The following OR4E2 variants were observed in gnomAD, a reference collection of about 807,000 sequenced individuals.
OR4E2 encodes the protein olfactory receptor 4E2.
A neutral mutation model predicts 11.0 loss-of-function variants in OR4E2; 9 were observed. The observed-to-expected ratio is 0.82, with a 90% CI of 0.49 to 1.43. The LOEUF is 1.43. Ranked by LOEUF, OR4E2 falls within the 40% of genes most tolerant of loss-of-function variation. The pLI is 0.00. For synonymous variants in OR4E2, 159 were observed against 147.3 expected (o/e 1.08, Z -0.57); for missense variants, 441 against 382.0 (o/e 1.15, Z -1.29).
At chr14:21,657,017 C>T (rs1351565166) in intron 2 of OR4E2, among the ~76,000 whole-genome samples, 1 of 152,114 alleles carries the variant, frequency 6.6e-6, no homozygotes, top group Non-Finnish European at 1.5e-5. Flanking sequence ...GATTTGAATA[C>T]CTAGAACAGT....
chr14:21,665,835 T>C lies in OR4E2; in HGVS notation c.753T>C (p.Phe251=), dbSNP rs1376849357. ...ACTTCATGGTGGTTGCCCTCTTCTTTGGGCCATGTATCTTCATCTATACTC... is the reference window on the plus strand; with the variant it reads ...ACTTCATGGTGGTTGCCCTCTTCTTCGGGCCATGTATCTTCATCTATACTC... ...SAHFMVVALF[F]GPCIFIYTRP... Residue 251 remains phenylalanine (F), a synonymous_variant, in exon 4 of 4, where the codon TTT becomes TTC. Coordinates refer to ENST00000641524, the MANE Select transcript of OR4E2 (RefSeq NM_001001912.3). 5 of 1,612,224 alleles carry C rather than the reference T, an allele frequency of 3.1e-6. No homozygotes were observed. The highest frequency in any genetic ancestry group is 3.4e-6 in the Non-Finnish European group (4 of 1,179,000).
At chr14:21,658,820 A>T (rs556843820) in intron 2 of OR4E2, among the ~76,000 whole-genome samples, 2 of 151,708 alleles carry the variant, frequency 1.3e-5, no homozygotes, top group Admixed American at 1.3e-4. Flanking sequence ...TTTTTTTTTT[A>T]AATGAAGAAT....
intron 3 of OR4E2, among the ~76,000 whole-genome samples, chr14:21,661,448 C>T (rs1389571102): frequency 2.0e-5 from 3 of 152,068 alleles, no homozygotes; most frequent in Admixed American, 6.5e-5. Flanking sequence ...CTTCAAGGTT[C>T]GTAATATACT....
chr14:21,656,069 G>A (rs1879926487), intron 1 of OR4E2, among the ~76,000 whole-genome samples: 1 of 151,732 alleles, frequency 6.6e-6, no homozygotes, highest in Non-Finnish European at 1.5e-5. Flanking sequence ...CTTGAGCCCA[G>A]GAATTTGAGA....
chr14:21,664,476 T>A (rs1215821783), intron 3 of OR4E2, among the ~76,000 whole-genome samples: 4 of 152,108 alleles, frequency 2.6e-5, no homozygotes, highest in African/African-American at 9.7e-5. Flanking sequence ...GTGAGGAGAG[T>A]ACACTTGAAT....
chr14:21,657,442 TCC>T (rs1880046567), intron 2 of OR4E2, among the ~76,000 whole-genome samples: 1 of 3,974 alleles, frequency 2.5e-4, no homozygotes, highest in African/African-American at 7.2e-4. Flanking sequence ...CTTCTTTCTT[TCC>T]TTCCTTCCTT....
chr14:21,667,440 G>A lies in OR4E2; in HGVS notation c.*1416G>A, dbSNP rs1203337715. On this transcript the variant is annotated 3_prime_UTR_variant, in exon 4 of 4. Transcript: ENST00000641524. ...TCAAAAGGACAAAGAATCAGAAGCA[G>A]TCTATTCATTAAACTGAGAGATGCT... The A allele has an allele frequency of 1.3e-5, 2 of 152,108 alleles. No individual in the cohort carries two copies. The highest frequency in any genetic ancestry group is 4.8e-5 in the African/African-American group (2 of 41,410). The allele number at this position is 152,108 out of a possible 1,614,324, so 9.4% of individuals were successfully genotyped here.
At chr14:21,654,442 T>C (rs568992778) in intron 1 of OR4E2, among the ~76,000 whole-genome samples, 1 of 147,090 alleles carries the variant, frequency 6.8e-6, no homozygotes, top group East Asian at 2.0e-4. Context: ...TGCACACACA[T>C]GCATGCACAC....
rs191026837 is a variant in OR4E2, at chr14:21,665,119, G to C, written c.37G>C (p.Val13Leu). ...AAACCAAACAAGAGTGACTGAATTT[G>C]TCTTCTTGGGACTCACTGATAACCG... Reference protein sequence around the residue: ...SLNQTRVTEFVFLGLTDNRVL... With the variant: ...SLNQTRVTEFLFLGLTDNRVL... The change falls in exon 4 of 4, where the codon GTC becomes CTC. Residue 13 changes from valine to leucine, a missense_variant. Val to Leu is a conservative substitution (Grantham distance 32). Transcript: ENST00000641524. 576 of 1,612,932 alleles carry C rather than the reference G, an allele frequency of 3.6e-4. 1 individual carries two copies. The Middle Eastern group carries it at 4.0e-3, about 11-fold the overall frequency.
At chr14:21,659,667 G>A (rs948905618) in intron 2 of OR4E2, among the ~76,000 whole-genome samples, 9 of 152,240 alleles carry the variant, frequency 5.9e-5, no homozygotes, top group African/African-American at 2.2e-4. Flanking sequence ...CTCATTTCTA[G>A]TAATCTATTC....
chr14:21,663,710 T>C (rs1399356047), intron 3 of OR4E2, among the ~76,000 whole-genome samples: 2 of 152,176 alleles, frequency 1.3e-5, no homozygotes, highest in East Asian at 3.9e-4. Context: ...GTGCAGGATG[T>C]GCAGTTTTGT....
intron 2 of OR4E2, among the ~76,000 whole-genome samples, chr14:21,657,690 A>G (rs2139800534): frequency 6.6e-6 from 1 of 151,544 alleles, no homozygotes; most frequent in South Asian, 2.1e-4. Context: ...TCCCAGGTTC[A>G]AGCCATTCTC....
At chr14:21,662,899 C>T (rs28698926) in intron 3 of OR4E2, among the ~76,000 whole-genome samples, 126,106 of 152,138 alleles carry the variant, frequency 0.83, 52,437 homozygotes, top group Non-Finnish European at 0.86. Context: ...ATTTTTGTGG[C>T]TTGTGATAAT....
intron 2 of OR4E2, among the ~76,000 whole-genome samples, chr14:21,657,488 CT>C (rs1880060881): frequency 1.1e-5 from 1 of 92,896 alleles, no homozygotes; most frequent in Admixed American, 1.4e-4. Context: ...TCCTTCCTTC[CT>C]TCCTTCCTTC....
intron 3 of OR4E2, among the ~76,000 whole-genome samples, chr14:21,663,476 T>A (rs1383997256): frequency 3.1e-5 from 2 of 65,080 alleles, no homozygotes; most frequent in Admixed American, 3.9e-4. Context: ...CAAGACTCCG[T>A]CTCGAAAAAA....
intron 3 of OR4E2, among the ~76,000 whole-genome samples, chr14:21,662,540 T>C (rs1880386731): frequency 6.6e-6 from 1 of 152,218 alleles, no homozygotes; most frequent in Non-Finnish European, 1.5e-5. Context: ...GACCTCGTGA[T>C]CCACCTGCCT....
intron 2 of OR4E2, among the ~76,000 whole-genome samples, chr14:21,657,483 CCTT>C (rs1880058779): frequency 8.8e-6 from 1 of 114,168 alleles, no homozygotes; most frequent in Admixed American, 1.1e-4. Flanking sequence ...TTCCTTCCTT[CCTT>C]CCTTCCTTCC....
Position 21,665,948 on chromosome 14 carries a change from T to C in OR4E2, c.866T>C (p.Leu289Ser). The change falls in exon 4 of 4, where the codon TTG (leucine) becomes TCG (serine). Residue 289 changes from leucine to serine, a missense_variant. Transcript: ENST00000641524. ...TPLLNPFIYT[L>S]RNEEVKSAMK... ...TTGCTGAATCCCTTCATTTACACCT[T>C]GAGGAATGAGGAGGTAAAAAGTGCC... 2 of 1,613,916 alleles carry C rather than the reference T, an allele frequency of 1.2e-6. No homozygotes were observed. The highest frequency in any genetic ancestry group is 1.7e-6 in the Non-Finnish European group (2 of 1,179,982).
In OR4E2 at chr14:21,665,065, C is replaced by T. The variant is rs775964342; in HGVS notation, c.-8-10C>T. The T allele has an allele frequency of 3.3e-5, 46 of 1,391,932 alleles. No individual in the cohort carries two copies. Among genetic ancestry groups the T allele is most frequent in the Non-Finnish European group, 4.1e-5 (42 of 1,012,854 alleles). 86.2% of individuals were successfully genotyped at this position (1,391,932 alleles called of 1,614,324 possible). ...AAAACTAAATTAGCTTTCATTTTTT[C>T]CCCCCTAAGCTCATTGAATGGACAG... On this transcript the variant is annotated splice_polypyrimidine_tract_variant and intron_variant, in intron 3 of 3. Transcript: ENST00000641524.
Sources: allele counts gnomAD v4.1 joint callset (sites outside exome capture counted in the v4.1 genomes callset), GRCh38; gene constraint gnomAD v4.1.1; transcripts MANE v1.5; gene names NCBI Gene and HGNC (gene_info 2026-07-23, HGNC 2026-07-21).